The following ANKRD17 variants were observed in gnomAD, a reference collection of about 807,000 sequenced individuals.
ANKRD17 encodes the protein ankyrin repeat domain-containing protein 17.
In ANKRD17, 19 loss-of-function variants were observed where a neutral mutation model predicts 229.7. The observed-to-expected ratio is 0.08, with a 90% CI of 0.06 to 0.12. The LOEUF is 0.12. Among genes scored for constraint, ANKRD17 ranks in the 10% least tolerant of loss-of-function variants. The probability of loss-of-function intolerance (pLI) is 1.00; values close to 1 mark genes in which losing one functional copy is unlikely to be tolerated. For missense variants in ANKRD17, 2,176 were observed against 3,176.8 expected (o/e 0.68, Z 7.57); for synonymous variants, 1,112 against 1,146.1 (o/e 0.97, Z 0.60).
chr4:73,095,573 G>A (rs1482992162), intron 27 of ANKRD17, among the ~76,000 whole-genome samples: 2 of 141,548 alleles, frequency 1.4e-5, no homozygotes, highest in African/African-American at 5.4e-5. Context: ...TTGCATTCTA[G>A]CCTGGGCAAC....
At chr4:73,080,107 C>A (rs1042492040) in intron 30 of ANKRD17, among the ~76,000 whole-genome samples, 1 of 151,862 alleles carries the variant, frequency 6.6e-6, no homozygotes, top group African/African-American at 2.4e-5. Flanking sequence ...TGACTCCATC[C>A]CCCCTCCCCC....
At chr4:73,133,594 A>T (rs1728521089) in intron 16 of ANKRD17, among the ~76,000 whole-genome samples, 1 of 151,770 alleles carries the variant, frequency 6.6e-6, no homozygotes, top group Non-Finnish European at 1.5e-5. Context: ...GGGTTTCACC[A>T]TGTTGGCCAG....
intron 26 of ANKRD17, 128 bp downstream of exon 26, chr4:73,097,945 G>A (rs985837470): frequency 6.7e-6 from 5 of 749,854 alleles, no homozygotes; most frequent in Non-Finnish European, 1.0e-5. Context: ...AATTGAAACA[G>A]TACCTTCTTT....
intron 1 of ANKRD17, among the ~76,000 whole-genome samples, chr4:73,207,113 C>T (rs1379202411): frequency 2.0e-5 from 3 of 152,038 alleles, no homozygotes; most frequent in South Asian, 2.1e-4. Flanking sequence ...CATGAGCCAC[C>T]GTGCCCAGCC....
chr4:73,203,105 A>C (rs1738895711), intron 1 of ANKRD17, among the ~76,000 whole-genome samples: 1 of 152,226 alleles, frequency 6.6e-6, no homozygotes, highest in Admixed American at 6.5e-5. Context: ...AGCAAATATA[A>C]ATAGCAAAAC....
At position 73,155,044 on chromosome 4, in the gene ANKRD17, A is replaced by C. The variant is rs558787244; in HGVS notation, c.1000+587T>G. ...TGACAGAGCGAGACTCCGTCTCAAA[A>C]AAAAAAAAAAAAAATTTAATAAATT... On this transcript the variant is annotated intron_variant, in intron 5 of 33. Coordinates refer to ENST00000358602, the MANE Select transcript of ANKRD17 (RefSeq NM_032217.5). 2.9e-4 allele frequency among the ~76,000 whole-genome samples: 44 copies of C among 151,896 alleles called. No homozygotes were observed. The South Asian group carries it at 8.7e-3, about 30-fold the overall frequency.
chr4:73,165,722 C>CT (rs911560802), intron 2 of ANKRD17, among the ~76,000 whole-genome samples: 37 of 152,276 alleles, frequency 2.4e-4, no homozygotes, highest in African/African-American at 8.9e-4. Context: ...GCAGAGATTT[C>CT]TTTGGCTGGT....
intron 18 of ANKRD17, among the ~76,000 whole-genome samples, chr4:73,122,862 GT>G (rs1291725648): frequency 6.6e-6 from 1 of 152,116 alleles, no homozygotes; most frequent in East Asian, 1.9e-4. Context: ...AATTTCTCAA[GT>G]TTTCTCAATG....
At chr4:73,255,988 A>G (rs1745420259) in intron 1 of ANKRD17, among the ~76,000 whole-genome samples, 1 of 152,208 alleles carries the variant, frequency 6.6e-6, no homozygotes, top group South Asian at 2.1e-4. Context: ...GGTCTCCCAA[A>G]GTGCTGGGAT....
rs568034852 is a variant in ANKRD17, at chr4:73,163,936, A to G, written c.548-2588T>C. Among the ~76,000 whole-genome samples the G allele has an allele frequency of 9.2e-5, 14 of 152,358 alleles. 1 individual carries two copies. The South Asian group carries it at 2.7e-3, about 29-fold the overall frequency. ...TCTGCCAAGAAGCCTTTATGATTAT[A>G]GCCATAAAAAAATGTTCAGAGTAGT... On this transcript the variant is annotated intron_variant, in intron 2 of 33. Transcript: ENST00000358602.
intron 1 of ANKRD17, among the ~76,000 whole-genome samples, chr4:73,214,695 TATC>T (rs1184984936): frequency 6.7e-6 from 1 of 149,752 alleles, no homozygotes; most frequent in Admixed American, 6.6e-5. Context: ...CAGTAGAAAA[TATC>T]ATTCTTAAAC....
intron 21 of ANKRD17, among the ~76,000 whole-genome samples, chr4:73,119,320 C>A (rs1726406428): frequency 6.6e-6 from 1 of 152,142 alleles, no homozygotes; most frequent in Non-Finnish European, 1.5e-5. Context: ...AATTATACTA[C>A]ACAAACAATA....
In ANKRD17 at chr4:73,135,214, G is replaced by C; in HGVS notation, c.3137C>G (p.Ala1046Gly). The C allele has an allele frequency of 1.2e-6, 2 of 1,613,812 alleles. No individual in the cohort carries two copies. Among genetic ancestry groups the C allele is most frequent in the Non-Finnish European group, 1.7e-6 (2 of 1,179,800 alleles). ...AGTCTGAGGTTGGGAAATGGATGCA[G>C]CAATACTGTGGGTAGGAGTGTTTGA... Reference protein sequence around the residue: ...AMSNTPTHSIAASISQPQTPT... With the variant: ...AMSNTPTHSIGASISQPQTPT... The change falls in exon 16 of 34, where the codon GCT becomes GGT. Residue 1046 changes from alanine to glycine, a missense_variant. Ala to Gly is a moderately conservative substitution (Grantham distance 60). Around this residue, in one of 18 missense-constraint regions of ANKRD17, gnomAD observed 230 missense variants for 252.3 expected, o/e 0.91. Coordinates refer to ENST00000358602, the MANE Select transcript of ANKRD17 (RefSeq NM_032217.5).
intron 1 of ANKRD17, among the ~76,000 whole-genome samples, chr4:73,202,602 G>T (rs1347660410): frequency 2.6e-5 from 4 of 152,032 alleles, no homozygotes; most frequent in African/African-American, 9.7e-5. Context: ...ATACCAGTAG[G>T]GCTATTCTAA....
chr4:73,211,922 C>A (rs2149161099), intron 1 of ANKRD17, among the ~76,000 whole-genome samples: 1 of 148,290 alleles, frequency 6.7e-6, no homozygotes, highest in South Asian at 2.1e-4. Context: ...CTATATGGTA[C>A]AACTAAATTT....
chr4:73,105,758 A>G (rs1032749492), intron 24 of ANKRD17, among the ~76,000 whole-genome samples: 6 of 152,262 alleles, frequency 3.9e-5, no homozygotes, highest in Non-Finnish European at 8.8e-5. Context: ...AGAGATTATT[A>G]TAAGCATTAA....
chr4:73,227,566 T>G (rs1223093200), intron 1 of ANKRD17, among the ~76,000 whole-genome samples: 2 of 152,090 alleles, frequency 1.3e-5, no homozygotes, highest in Non-Finnish European at 2.9e-5. Context: ...TAAATAGCAA[T>G]TAACATATTA....
intron 2 of ANKRD17, among the ~76,000 whole-genome samples, chr4:73,164,394 C>A (rs184477370): frequency 1.3e-3 from 196 of 152,226 alleles, no homozygotes; most frequent in Middle Eastern, 3.4e-3. Flanking sequence ...TAGATGGTAA[C>A]CTTTCAAATT....
chr4:73,131,155 T>A (rs781049736), intron 16 of ANKRD17, among the ~76,000 whole-genome samples: 7 of 152,198 alleles, frequency 4.6e-5, no homozygotes, highest in Non-Finnish European at 1.0e-4. Context: ...ATCTTAAAAG[T>A]TTTGAAAATA....
Sources: allele counts gnomAD v4.1 joint callset (sites outside exome capture counted in the v4.1 genomes callset), GRCh38; gene constraint gnomAD v4.1.1; regional missense constraint gnomAD v4.1.1; transcripts MANE v1.5; gene names NCBI Gene and HGNC (gene_info 2026-07-23, HGNC 2026-07-21).